The following SLC25A26 variants were observed in gnomAD, a reference collection of about 807,000 sequenced individuals.
SLC25A26 encodes solute carrier family 25 member 26.
SLC25A26 carries 36 observed loss-of-function variants against 37.8 expected under a neutral mutation model. The ratio of observed to expected loss-of-function variants is 0.95; its 90% CI spans 0.73 to 1.26. The LOEUF (loss-of-function observed/expected upper bound fraction) is 1.26. Ranked by LOEUF, SLC25A26 falls within the 50% of genes most tolerant of loss-of-function variation. The pLI is 0.00. For synonymous variants in SLC25A26, 129 were observed against 122.5 expected, an observed-to-expected ratio of 1.05 and a Z score of -0.35; for missense variants, 390 against 331.1, an observed-to-expected ratio of 1.18 and a Z score of -1.38.
chr3:66,258,023 T>C (rs547828539), intron 3 of SLC25A26, among the ~76,000 whole-genome samples: 1 of 152,312 alleles, frequency 6.6e-6, no homozygotes, highest in East Asian at 1.9e-4. Context: ...GGCTAACTTA[T>C]GGAATGAAGA....
At chr3:66,231,050 C>G (rs988106185) in intron 1 of SLC25A26, among the ~76,000 whole-genome samples, 2 of 152,156 alleles carry the variant, frequency 1.3e-5, no homozygotes, top group Non-Finnish European at 2.9e-5. Flanking sequence ...TGGCATGTGC[C>G]TGTAGTCTCA....
intron 1 of SLC25A26, among the ~76,000 whole-genome samples, chr3:66,209,069 C>T (rs1156728622): frequency 0.73 from 32,555 of 44,438 alleles, 10,908 homozygotes; most frequent in Middle Eastern, 0.91. Flanking sequence ...TATATATACA[C>T]ACACACACCC....
At chr3:66,330,148 A>C (rs1321164387) in intron 5 of SLC25A26, among the ~76,000 whole-genome samples, 1 of 152,160 alleles carries the variant, frequency 6.6e-6, no homozygotes, top group African/African-American at 2.4e-5. Context: ...AGTTTGTGTG[A>C]GAGAGCAAGC....
intron 1 of SLC25A26, among the ~76,000 whole-genome samples, chr3:66,192,101 G>A (rs1231121180): frequency 2.6e-5 from 4 of 151,880 alleles, no homozygotes; most frequent in Admixed American, 6.6e-5. Flanking sequence ...CAGATCACGA[G>A]GTCAGGAGTT....
intron 1 of SLC25A26, among the ~76,000 whole-genome samples, chr3:66,208,682 A>C (rs1238036111): frequency 6.9e-6 from 1 of 145,336 alleles, no homozygotes; most frequent in Admixed American, 7.2e-5. Flanking sequence ...ATATATACAC[A>C]TTTATATGGG....
intron 9 of SLC25A26, chr3:66,371,397 T>C: frequency 6.6e-7 from 1 of 1,509,022 alleles, no homozygotes; most frequent in South Asian, 1.3e-5. Context: ...TTTGATGATC[T>C]GGAGGACATG....
At chr3:66,265,025 G>A (rs2073688329) in intron 5 of SLC25A26, among the ~76,000 whole-genome samples, 1 of 152,174 alleles carries the variant, frequency 6.6e-6, no homozygotes, top group Non-Finnish European at 1.5e-5. Flanking sequence ...GCAAGAACAT[G>A]GTATGGGCCA....
chr3:66,348,720 C>T (rs2076383417), intron 6 of SLC25A26, among the ~76,000 whole-genome samples: 1 of 152,150 alleles, frequency 6.6e-6, no homozygotes, highest in South Asian at 2.1e-4. Context: ...AGAAGTATTT[C>T]TTATAAGTGA....
At chr3:66,270,712 GA>G (rs1357164013) in intron 5 of SLC25A26, among the ~76,000 whole-genome samples, 1 of 152,112 alleles carries the variant, frequency 6.6e-6, no homozygotes, top group Non-Finnish European at 1.5e-5. Flanking sequence ...TTTAATTCAA[GA>G]ACCTAAAATT....
At chr3:66,182,061 C>T (rs2070719759) in intron 1 of SLC25A26, among the ~76,000 whole-genome samples, 1 of 152,158 alleles carries the variant, frequency 6.6e-6, no homozygotes, top group Admixed American at 6.5e-5. Context: ...CTTGACAGCA[C>T]TCTCTTTTCT....
intron 5 of SLC25A26, among the ~76,000 whole-genome samples, chr3:66,312,087 C>T (rs1409993707): frequency 6.6e-6 from 1 of 152,186 alleles, no homozygotes; most frequent in South Asian, 2.1e-4. Flanking sequence ...TGAAGCTGTG[C>T]CCACAGCTGC....
At chr3:66,257,435 G>C (rs782285822) in intron 3 of SLC25A26, among the ~76,000 whole-genome samples, 1 of 152,114 alleles carries the variant, frequency 6.6e-6, no homozygotes, top group Non-Finnish European at 1.5e-5. Context: ...ACAGTCTAGG[G>C]CCGCAGACCC....
intron 7 of SLC25A26, among the ~76,000 whole-genome samples, chr3:66,365,592 A>G (rs1021816569): frequency 2.3e-4 from 35 of 152,184 alleles, no homozygotes; most frequent in Non-Finnish European, 7.4e-5. Context: ...ACCTCTGTAC[A>G]TTCTCTAGGA....
At chr3:66,259,996 CT>C (rs1220881603) in intron 3 of SLC25A26, among the ~76,000 whole-genome samples, 6 of 152,200 alleles carry the variant, frequency 3.9e-5, no homozygotes, top group African/African-American at 1.4e-4. Flanking sequence ...GCTGATTCCC[CT>C]GAACACCCTG....
intron 9 of SLC25A26, among the ~76,000 whole-genome samples, chr3:66,374,346 G>C (rs1029233942): frequency 6.6e-6 from 1 of 152,116 alleles, no homozygotes; most frequent in Non-Finnish European, 1.5e-5. Context: ...GGTGATCTGT[G>C]ATCAGCCGTC....
At chr3:66,354,770 T>C (rs7641559) in intron 6 of SLC25A26, among the ~76,000 whole-genome samples, 1,880 of 152,202 alleles carry the variant, frequency 0.012, 42 homozygotes, top group African/African-American at 0.043. Context: ...GGCAGATCTT[T>C]CCAGCACTGT....
intron 1 of SLC25A26, among the ~76,000 whole-genome samples, chr3:66,196,347 C>A (rs1407070310): frequency 1.3e-5 from 2 of 152,194 alleles, no homozygotes; most frequent in African/African-American, 4.8e-5. Flanking sequence ...GTGTCAAAGA[C>A]CCCCTAGGCA....
chr3:66,366,874 T>C (rs968593755), intron 7 of SLC25A26, among the ~76,000 whole-genome samples: 2 of 152,216 alleles, frequency 1.3e-5, no homozygotes, highest in African/African-American at 4.8e-5. Flanking sequence ...CTGTGTGGCC[T>C]GGGCAAGTAA....
Position 66,263,369 on chromosome 3 carries a change from T to G in SLC25A26, c.443T>G (p.Val148Gly), listed in dbSNP as rs869025313. 5.6e-6 allele frequency: 9 copies of G among 1,609,984 alleles called. No individual in the cohort carries two copies. The highest frequency in any genetic ancestry group is 7.6e-6 in the Non-Finnish European group (9 of 1,177,016). The change falls in exon 5 of 10, where the codon GTT (valine) becomes GGT (glycine). Residue 148 changes from valine to glycine, a missense_variant. Coordinates refer to ENST00000354883, the MANE Select transcript of SLC25A26 (RefSeq NM_001379210.1). ...TTGTATCGAGGCTATAAAAGCACAG[T>G]TTTAAGAGAGGTAAGTCACTTACTT... Reference protein sequence around the residue: ...QGLYRGYKSTVLREIPFSLVQ... With the variant: ...QGLYRGYKSTGLREIPFSLVQ...
Sources: allele counts gnomAD v4.1 joint callset (sites outside exome capture counted in the v4.1 genomes callset), GRCh38; gene constraint gnomAD v4.1.1; transcripts MANE v1.5; gene names NCBI Gene and HGNC (gene_info 2026-07-23, HGNC 2026-07-21).